Variants in MYH16 observed in about 807,000 individuals in gnomAD.
The protein encoded by MYH16 is putative uncharacterized protein MYH16.
At chr7:99,308,750 G>A (rs1792716567), downstream of MYH16, among the ~76,000 whole-genome samples, 1 of 152,158 alleles carries the variant, frequency 6.6e-6, no homozygotes, top group African/African-American at 2.4e-5. Context: ...ATGGAGCCAG[G>A]GTGTGGAGGT....
chr7:99,303,860 A>G (rs73709633), intron 39 of MYH16, among the ~76,000 whole-genome samples: 2,077 of 152,308 alleles, frequency 0.014, 38 homozygotes, highest in African/African-American at 0.048. Flanking sequence ...AAGGGCTAGT[A>G]AAAGGAAGAT....
chr7:99,253,691 G>T, intron 7 of MYH16: 1 of 154,004 alleles, frequency 6.5e-6, no homozygotes, highest in Non-Finnish European at 1.5e-5. Flanking sequence ...CAGGGAAACA[G>T]CTGTGTACTC....
rs143600122 is a variant in MYH16 at position 99,300,589 on chromosome 7, C to T, written n.4933+931C>T. Reference sequence around the variant, plus strand: ...AGGCTGAAGAGAGAGGATTGCTTGACGCCAGGCTTGAGTTCGTGACTGGCC... The same window carrying T: ...AGGCTGAAGAGAGAGGATTGCTTGATGCCAGGCTTGAGTTCGTGACTGGCC... On this transcript the variant is annotated intron_variant and non_coding_transcript_variant, in intron 37 of 41. Coordinates refer to ENST00000439784, the Ensembl canonical transcript of MYH16. 3.1e-3 allele frequency among the ~76,000 whole-genome samples: 468 copies of T among 152,226 alleles called. 1 individual carries two copies. The highest frequency in any genetic ancestry group is 9.9e-3 in the African/African-American group (410 of 41,530).
chr7:99,271,578 C>T (rs1009715298), intron 19 of MYH16, among the ~76,000 whole-genome samples: 13 of 152,180 alleles, frequency 8.5e-5, no homozygotes, highest in Admixed American at 7.9e-4. Context: ...TGGCTTCAAA[C>T]AACAGGAATT....
intron 20 of MYH16, among the ~76,000 whole-genome samples, chr7:99,274,969 A>C (rs1251019799): frequency 1.3e-5 from 2 of 150,754 alleles, no homozygotes; most frequent in Admixed American, 6.6e-5. Context: ...GAGTCATTGC[A>C]CCTGGCCTCG....
intron 37 of MYH16, among the ~76,000 whole-genome samples, chr7:99,300,675 T>G (rs1015537422): frequency 3.3e-5 from 5 of 152,004 alleles, no homozygotes; most frequent in African/African-American, 1.2e-4. Flanking sequence ...ATGGTGGTGC[T>G]CGTGCCTGTA....
rs1228583770 is a variant in MYH16, at chr7:99,284,830, A to G, written n.3226-15A>G. The stretch of plus-strand genomic sequence containing the variant: ...CTCAGAGCCTTTCCTCAGGAGACCA[A>G]CCCTTCCCTTGCAGGAGGGATTTGG... On this transcript the variant is annotated splice_polypyrimidine_tract_variant and intron_variant and non_coding_transcript_variant, in intron 25 of 41. Coordinates refer to ENST00000439784, the Ensembl canonical transcript of MYH16. 1 of 456,556 alleles carries G rather than the reference A, an allele frequency of 2.2e-6. No individual in the cohort carries two copies. 28.3% of individuals were successfully genotyped at this position (456,556 alleles called of 1,614,324 possible). A position where few individuals can be genotyped will look rare whatever the true frequency, so the allele number is the denominator to read the frequency against.
At chr7:99,308,609 G>A (rs546744954), downstream of MYH16, among the ~76,000 whole-genome samples, 3 of 152,304 alleles carry the variant, frequency 2.0e-5, no homozygotes, top group Admixed American at 2.0e-4. Context: ...GACATTCTTA[G>A]AAGTGCCTAT....
chr7:99,269,865 C>CTTTTTT (rs983455403), intron 18 of MYH16, among the ~76,000 whole-genome samples: 4 of 107,702 alleles, frequency 3.7e-5, no homozygotes, highest in Non-Finnish European at 5.4e-5. Context: ...TCTGGGGACA[C>CTTTTTT]TTTTTTTTTT....
chr7:99,291,617 A>ACCCCCCCCCCC (rs34446113), intron 31 of MYH16, among the ~76,000 whole-genome samples, 167 bp downstream of exon 12: 496 of 105,854 alleles, frequency 4.7e-3, no homozygotes, highest in Non-Finnish European at 5.8e-3. Flanking sequence ...ACACAGCAAG[A>ACCCCCCCCCCC]CCCCCCCCCA....
chr7:99,284,308 A>C (rs1181940384), intron 25 of MYH16, among the ~76,000 whole-genome samples: 3 of 152,172 alleles, frequency 2.0e-5, no homozygotes, highest in African/African-American at 7.2e-5. Flanking sequence ...GCCTATGACC[A>C]TGTTGGGTAC....
chr7:99,290,861 G>A (rs1190804908), intron 30 of MYH16: 2 of 151,860 alleles, frequency 1.3e-5, no homozygotes, highest in East Asian at 3.8e-4. Flanking sequence ...GAAGCTCAGT[G>A]AGCTCAGTGA....
downstream of MYH16, among the ~76,000 whole-genome samples, chr7:99,307,183 C>T (rs1217679472): frequency 2.0e-5 from 3 of 152,156 alleles, no homozygotes; most frequent in Admixed American, 1.3e-4. Flanking sequence ...GTCACAGGGA[C>T]GTCCACAAGC....
chr7:99,284,796 T>A, intron 25 of MYH16, 49 bp from the exon 8 acceptor site: 1 of 454,664 alleles, frequency 2.2e-6, no homozygotes, highest in Non-Finnish European at 4.4e-6. Flanking sequence ...GCCAGCTTGC[T>A]GGTCTACCCT....
chr7:99,238,875 T>G (rs1478924540), exon 1 of MYH16: 1 of 152,772 alleles, frequency 6.5e-6, no homozygotes, highest in East Asian at 1.9e-4. Context: ...GTGGACCCTA[T>G]GCCTTTCCTG....
intron 31 of MYH16, among the ~76,000 whole-genome samples, chr7:99,291,903 A>G (rs2150828399): frequency 6.6e-6 from 1 of 152,130 alleles, no homozygotes; most frequent in Admixed American, 6.6e-5. Flanking sequence ...AGATCGCACC[A>G]TTGCACTCCA....
At chr7:99,283,718 G>T (rs542464477) in intron 24 of MYH16, 67 bp downstream of exon 6, 2 of 453,908 alleles carry the variant, frequency 4.4e-6, no homozygotes, top group South Asian at 1.6e-5. Context: ...CACGGGGTCC[G>T]AAGATTAGTT....
At chr7:99,280,296 G>A (rs1192364883) in intron 22 of MYH16, among the ~76,000 whole-genome samples, 1 of 152,254 alleles carries the variant, frequency 6.6e-6, no homozygotes, top group African/African-American at 2.4e-5. Flanking sequence ...GACAGCAAAG[G>A]CAGAGAACAT....
At chr7:99,273,597 C>G (rs529539104) in intron 20 of MYH16, among the ~76,000 whole-genome samples, 174 bp downstream of exon 2, 3 of 152,200 alleles carry the variant, frequency 2.0e-5, no homozygotes, top group African/African-American at 7.2e-5. Context: ...TAATTCCTCC[C>G]TAAGAAAAAT....
Sources: allele counts gnomAD v4.1 joint callset (sites outside exome capture counted in the v4.1 genomes callset), GRCh38; gene constraint gnomAD v4.1.1; transcripts MANE v1.5; gene names NCBI Gene and HGNC (gene_info 2026-07-23, HGNC 2026-07-21).